CSMD1: variants seen among roughly 807,000 people sequenced by gnomAD.
The protein encoded by CSMD1 is CUB and Sushi multiple domains 1.
In CSMD1, 213 loss-of-function variants were observed where a neutral mutation model predicts 417.5. The observed-to-expected ratio is 0.51, with a 90% CI of 0.46 to 0.57. The LOEUF is 0.57. Ranked by LOEUF, CSMD1 falls within the 20% of genes least tolerant of loss-of-function variation. CSMD1 has a pLI of 0.00. For missense variants in CSMD1, 6,923 were observed against 4,529.7 expected (o/e 1.53, Z -15.17); for synonymous variants, 2,862 against 1,736.8 (o/e 1.65, Z -16.11).
intron 49 of CSMD1, among the ~76,000 whole-genome samples, chr8:3,067,929 G>C (rs1421128280): frequency 6.6e-6 from 1 of 152,104 alleles, no homozygotes; most frequent in African/African-American, 2.4e-5. Flanking sequence ...AGTTCATCTA[G>C]TAAGGGGTAA....
chr8:4,381,270 A>C lies in CSMD1; in HGVS notation c.415+38683T>G, dbSNP rs115228491. On this transcript the variant is annotated intron_variant, in intron 3 of 69. Transcript: ENST00000635120. ...ATCTGAGTGAGGAATAAAGGCGTCA[A>C]AACAGCCTTCCAGAGGTTGGGGAAA... is the stretch of plus-strand genomic sequence containing the variant. Among the ~76,000 whole-genome samples, 1,165 of 152,320 alleles carry C rather than the reference A, an allele frequency of 7.6e-3. 9 individuals carry two copies. Among genetic ancestry groups the C allele is most frequent in the Middle Eastern group, 0.037 (11 of 294 alleles).
At chr8:4,864,607 T>G (rs951878055) in intron 1 of CSMD1, among the ~76,000 whole-genome samples, 2 of 151,658 alleles carry the variant, frequency 1.3e-5, no homozygotes, top group African/African-American at 4.8e-5. Context: ...TTATTATAGT[T>G]ACTAGCTTTA....
intron 11 of CSMD1, among the ~76,000 whole-genome samples, chr8:3,471,931 G>A (rs913745002): frequency 6.6e-6 from 1 of 152,114 alleles, no homozygotes; most frequent in Non-Finnish European, 1.5e-5. Flanking sequence ...TGCAAAACGA[G>A]TCGAGGAGAG....
At chr8:3,857,552 G>C (rs1033374037) in intron 5 of CSMD1, among the ~76,000 whole-genome samples, 1 of 152,204 alleles carries the variant, frequency 6.6e-6, no homozygotes. Flanking sequence ...AAATGGCAGA[G>C]TCGTCTTCCA....
At chr8:4,558,733 G>A (rs778105332) in intron 2 of CSMD1, among the ~76,000 whole-genome samples, 1 of 152,096 alleles carries the variant, frequency 6.6e-6, no homozygotes, top group Non-Finnish European at 1.5e-5. Flanking sequence ...GCCCAGCATG[G>A]TGGTGGCGCC....
At chr8:4,938,365 A>G (rs1000931211) in intron 1 of CSMD1, among the ~76,000 whole-genome samples, 3 of 152,190 alleles carry the variant, frequency 2.0e-5, no homozygotes, top group Non-Finnish European at 2.9e-5. Context: ...ATGCTTCCCA[A>G]TACAGCTGTC....
At chr8:4,148,302 G>C (rs566477016) in intron 3 of CSMD1, among the ~76,000 whole-genome samples, 3 of 146,312 alleles carry the variant, frequency 2.1e-5, no homozygotes, top group African/African-American at 5.1e-5. Flanking sequence ...CTCACTCATA[G>C]GTGGGAATTG....
intron 1 of CSMD1, among the ~76,000 whole-genome samples, chr8:4,883,335 G>A (rs183210551): frequency 6.6e-6 from 1 of 152,054 alleles, no homozygotes; most frequent in East Asian, 1.9e-4. Context: ...ATAATTATCA[G>A]ATATAATTTA....
intron 3 of CSMD1, among the ~76,000 whole-genome samples, chr8:4,269,098 C>A (rs948080532): frequency 2.0e-5 from 3 of 152,120 alleles, no homozygotes; most frequent in African/African-American, 7.2e-5. Flanking sequence ...ACTTTGTCGC[C>A]CAGGCTGGAG....
chr8:2,974,308 T>C (rs1804732338), intron 56 of CSMD1, 143 bp downstream of exon 56: 1 of 707,254 alleles, frequency 1.4e-6, no homozygotes, highest in Admixed American at 3.4e-5. Context: ...GCGGCGTATT[T>C]GGCTAGAAAT....
At chr8:4,584,495 G>C (rs1408171967) in intron 2 of CSMD1, among the ~76,000 whole-genome samples, 2 of 151,436 alleles carry the variant, frequency 1.3e-5, no homozygotes, top group African/African-American at 4.9e-5. Context: ...AGGCTTTCTG[G>C]GAAAGGGCTC....
intron 7 of CSMD1, among the ~76,000 whole-genome samples, chr8:3,678,275 G>C (rs1799483588): frequency 6.6e-6 from 1 of 152,114 alleles, no homozygotes; most frequent in Non-Finnish European, 1.5e-5. Context: ...TCGCAAAGAA[G>C]TTAAAAACTT....
chr8:4,204,631 A>T (rs1799870815), intron 3 of CSMD1, among the ~76,000 whole-genome samples: 2 of 152,312 alleles, frequency 1.3e-5, no homozygotes, highest in South Asian at 4.1e-4. Context: ...AGTAGGCAAC[A>T]AGCCTAAATT....
At chr8:4,862,473 T>G (rs1457406793) in intron 1 of CSMD1, among the ~76,000 whole-genome samples, 3 of 151,956 alleles carry the variant, frequency 2.0e-5, no homozygotes, top group African/African-American at 4.8e-5. Context: ...GTAAAAAGAA[T>G]GGTTAAAAGT....
intron 5 of CSMD1, among the ~76,000 whole-genome samples, chr8:3,899,788 G>A (rs1807608388): frequency 6.6e-6 from 1 of 152,178 alleles, no homozygotes; most frequent in Admixed American, 6.5e-5. Context: ...TGACCTGACT[G>A]GAAGGTGACA....
intron 41 of CSMD1, among the ~76,000 whole-genome samples, chr8:3,132,321 A>T (rs1332173660): frequency 6.6e-6 from 1 of 152,062 alleles, no homozygotes; most frequent in South Asian, 2.1e-4. Context: ...CACAGAAATT[A>T]CATTCTCATG....
intron 7 of CSMD1, among the ~76,000 whole-genome samples, chr8:3,628,354 C>A (rs921154092): frequency 6.6e-6 from 1 of 152,164 alleles, no homozygotes. Flanking sequence ...CCGAGGGTGA[C>A]CTCACGCCCC....
rs761592196 is a variant in CSMD1, at chr8:3,087,074, G to T, written c.7474+23C>A. On this transcript the variant is annotated intron_variant, in intron 49 of 69. Coordinates refer to ENST00000635120, the MANE Select transcript of CSMD1 (RefSeq NM_033225.6). ...AGAGCAATACACAGGAAACAAGGCT[G>T]GGGATGAAAACGCATTTCTTACCCT... The T allele has an allele frequency of 2.5e-6, 4 of 1,598,104 alleles. No homozygotes were observed. The East Asian group carries it at 8.9e-5, about 36-fold the overall frequency.
At chr8:4,455,829 G>A (rs1312243734) in intron 2 of CSMD1, among the ~76,000 whole-genome samples, 1 of 146,286 alleles carries the variant, frequency 6.8e-6, no homozygotes, top group South Asian at 2.2e-4. Context: ...TACTCAGGAG[G>A]CTGAGGCAAG....
Sources: allele counts gnomAD v4.1 joint callset (sites outside exome capture counted in the v4.1 genomes callset), GRCh38; gene constraint gnomAD v4.1.1; transcripts MANE v1.5; gene names NCBI Gene and HGNC (gene_info 2026-07-23, HGNC 2026-07-21).